RMP24: variants seen among roughly 807,000 people sequenced by gnomAD.
RMP24 encodes ribonuclease MRP protein subunit p24.
At chr18:35,978,027 A>G in the RMP24 span, among the ~76,000 whole-genome samples, 1 of 152,170 alleles carries the variant, frequency 6.6e-6, no homozygotes, top group Non-Finnish European at 1.5e-5. Context: ...ACCGATTTCT[A>G]TATATCCTAC....
the RMP24 span, chr18:35,978,791 T>C: frequency 6.7e-7 from 1 of 1,503,706 alleles, no homozygotes. Context: ...AGAAAATGAT[T>C]GTCATTTGTT....
the RMP24 span, chr18:35,978,891 CA>C: frequency 6.2e-7 from 1 of 1,613,108 alleles, no homozygotes; most frequent in African/African-American, 1.3e-5. Flanking sequence ...ACCAGCAAAA[CA>C]AAGAAACACT....
At chr18:35,977,640 G>C in the RMP24 span, 1 of 1,576,100 alleles carries the variant, frequency 6.3e-7, no homozygotes, top group Non-Finnish European at 8.6e-7. Context: ...CCAGTGTTAA[G>C]TGTTTTCTTC....
the RMP24 span, chr18:35,975,054 G>A: frequency 1.1e-5 from 17 of 1,613,598 alleles, no homozygotes; most frequent in Non-Finnish European, 1.4e-5. Context: ...TTTTAAAGAA[G>A]CAAAAATGGT....
the RMP24 span, among the ~76,000 whole-genome samples, chr18:35,978,264 A>T: frequency 6.6e-6 from 1 of 152,234 alleles, no homozygotes; most frequent in Non-Finnish European, 1.5e-5. Context: ...TTCCAGCCCT[A>T]TCTGGCACCA....
the RMP24 span, among the ~76,000 whole-genome samples, chr18:35,975,606 A>G: frequency 6.6e-6 from 1 of 152,210 alleles, no homozygotes; most frequent in Non-Finnish European, 1.5e-5. Flanking sequence ...GCAACATTTA[A>G]TATTGGGGAT....
chr18:35,979,012 G>A, the RMP24 span: 1 of 1,558,412 alleles, frequency 6.4e-7, no homozygotes. Flanking sequence ...AATAAGAAAT[G>A]CCTGATGTCA....
At chr18:35,978,773 A>T in the RMP24 span, 4 of 1,463,048 alleles carry the variant, frequency 2.7e-6, no homozygotes, top group East Asian at 9.4e-5. Context: ...GCCATAATAC[A>T]AAAGAGTAGA....
At chr18:35,972,740 GCA>G in the RMP24 span, 18 of 1,611,918 alleles carry the variant, frequency 1.1e-5, no homozygotes, top group Non-Finnish European at 1.4e-5. Flanking sequence ...TGAGACAGAA[GCA>G]CTACCTTGAG....
the RMP24 span, chr18:35,973,199 T>G: frequency 9.2e-6 from 5 of 544,584 alleles, no homozygotes; most frequent in African/African-American, 7.6e-5. Context: ...GCTTTGCTGG[T>G]TCCTCCTAAT....
At chr18:35,974,768 T>C in the RMP24 span, 3 of 844,288 alleles carry the variant, frequency 3.6e-6, no homozygotes, top group East Asian at 5.4e-5. Flanking sequence ...TAAATTTTCA[T>C]ATTTTGAGTT....
At chr18:35,972,991 T>TG in the RMP24 span, 1 of 1,545,276 alleles carries the variant, frequency 6.5e-7, no homozygotes, top group Non-Finnish European at 8.9e-7. Flanking sequence ...ATAAGGCCGA[T>TG]GGACTCACTT....
At chr18:35,977,372 A>G in the RMP24 span, 2 of 1,567,404 alleles carry the variant, frequency 1.3e-6, no homozygotes, top group Non-Finnish European at 1.7e-6. Context: ...AAATTATAAG[A>G]TAAATGACGG....
At chr18:35,972,771 C>T in the RMP24 span, 1 of 1,613,928 alleles carries the variant, frequency 6.2e-7, no homozygotes, top group Non-Finnish European at 8.5e-7. Flanking sequence ...GCGGGGACTG[C>T]ACGACAGCTG....
the RMP24 span, chr18:35,977,674 C>A: frequency 6.9e-7 from 1 of 1,456,118 alleles, no homozygotes; most frequent in Non-Finnish European, 9.3e-7. Context: ...TTAATATATA[C>A]TCCCTAAATA....
the RMP24 span, chr18:35,978,778 A>C: frequency 2.7e-6 from 4 of 1,471,076 alleles, no homozygotes; most frequent in Non-Finnish European, 3.6e-6. Context: ...AATACAAAAG[A>C]GTAGAAAATG....
At chr18:35,976,332 A>T in the RMP24 span, among the ~76,000 whole-genome samples, 1 of 151,732 alleles carries the variant, frequency 6.6e-6, no homozygotes, top group African/African-American at 2.4e-5. Flanking sequence ...TTTAACCTGT[A>T]TACAGCCTCC....
At chr18:35,974,833 A>G in the RMP24 span, 4 of 1,381,376 alleles carry the variant, frequency 2.9e-6, no homozygotes, top group Non-Finnish European at 4.0e-6. Context: ...ATAAATGTTG[A>G]CAGTTTGAGG....
chr18:35,976,117 C>G, the RMP24 span, among the ~76,000 whole-genome samples: 3 of 144,792 alleles, frequency 2.1e-5, no homozygotes, highest in Non-Finnish European at 1.5e-5. Context: ...TAGAAAGGTG[C>G]TAGAGGTATT....
Sources: allele counts gnomAD v4.1 joint callset (sites outside exome capture counted in the v4.1 genomes callset), GRCh38; gene constraint gnomAD v4.1.1; transcripts MANE v1.5; gene names NCBI Gene and HGNC (gene_info 2026-07-23, HGNC 2026-07-21).